The following RNF144A variants were observed in gnomAD, a reference collection of about 807,000 sequenced individuals.
RNF144A encodes ring finger protein 144A, also known as E3 ubiquitin-protein ligase RNF144A.
RNF144A carries 11 observed loss-of-function variants against 38.7 expected under a neutral mutation model. That is an observed-to-expected ratio of 0.28 (90% CI 0.18 to 0.47). The LOEUF is 0.47. Among genes scored for constraint, RNF144A ranks in the 20% least tolerant of loss-of-function variants. RNF144A has a pLI of 0.99. For synonymous variants in RNF144A, 149 were observed against 143.9 expected (o/e 1.04, Z -0.25); for missense variants, 316 against 377.2 (o/e 0.84, Z 1.34).
At chr2:7,030,894 G>A (rs925481485) in intron 8 of RNF144A, among the ~76,000 whole-genome samples, 10 of 151,836 alleles carry the variant, frequency 6.6e-5, no homozygotes, top group African/African-American at 2.4e-4. Context: ...ATGGGAGACT[G>A]TGATAGATCA....
At chr2:7,068,729 G>T (rs199960012), downstream of RNF144A, among the ~76,000 whole-genome samples, 1 of 152,158 alleles carries the variant, frequency 6.6e-6, no homozygotes, top group East Asian at 1.9e-4. Context: ...GATAGAGACG[G>T]GGACTGAGAT....
At position 6,962,949 on chromosome 2, in the gene RNF144A, T is replaced by C. The variant is rs1429743730; in HGVS notation, c.-12+21802T>C. ...GATGACAAGATCATTTTGATAATTT[T>C]AAAAGATGGATGAATAAGGGGACTG... On this transcript the variant is annotated intron_variant, in intron 2 of 8. Transcript: ENST00000320892. The surrounding 1 kb of genome is among the most constrained non-coding windows in gnomAD (Gnocchi z 4.1). 2.6e-5 allele frequency among the ~76,000 whole-genome samples: 4 copies of C among 152,170 alleles called. No homozygotes were observed. In the South Asian group the frequency reaches 8.3e-4, roughly 31 times the overall value.
chr2:6,981,756 T>A (rs1390158062), intron 2 of RNF144A, among the ~76,000 whole-genome samples: 1 of 152,242 alleles, frequency 6.6e-6, no homozygotes, highest in Non-Finnish European at 1.5e-5. Context: ...GTTCTAAAGT[T>A]GCTTCCACAT....
At chr2:7,060,633 G>A (rs972228700) in intron 6 of RNF144A, among the ~76,000 whole-genome samples, 11 of 152,104 alleles carry the variant, frequency 7.2e-5, no homozygotes, top group African/African-American at 1.2e-4. Flanking sequence ...TTCCCAGCTC[G>A]TTGTCCCTAA....
At chr2:7,052,838 A>AACACACACACACACACAC (rs10670138) in intron 6 of RNF144A, among the ~76,000 whole-genome samples, 36 of 150,088 alleles carry the variant, frequency 2.4e-4, no homozygotes, top group African/African-American at 7.1e-4. Flanking sequence ...CCCCCTTTCC[A>AACACACACACACACACAC]ACACACACAC....
intron 2 of RNF144A, among the ~76,000 whole-genome samples, chr2:6,950,478 C>G (rs183069173): frequency 2.3e-4 from 35 of 152,300 alleles, no homozygotes; most frequent in African/African-American, 8.2e-4. Flanking sequence ...TGTCACAAAA[C>G]AGTCTGCTGT....
At chr2:7,050,633 T>C (rs1673484335) in intron 6 of RNF144A, among the ~76,000 whole-genome samples, 1 of 152,244 alleles carries the variant, frequency 6.6e-6, no homozygotes, top group African/African-American at 2.4e-5. Context: ...TTGAGAGCCT[T>C]CTGCTTCCTG....
intron 2 of RNF144A, among the ~76,000 whole-genome samples, chr2:6,982,360 C>T (rs76549529): frequency 3.9e-5 from 6 of 152,234 alleles, no homozygotes; most frequent in East Asian, 1.9e-4. Flanking sequence ...GGAGGGAGAG[C>T]GCCCATCACA....
At chr2:7,048,976 C>T (rs896617047), downstream of RNF144A, among the ~76,000 whole-genome samples, 1 of 152,184 alleles carries the variant, frequency 6.6e-6, no homozygotes, top group Non-Finnish European at 1.5e-5. Context: ...CCTAGTCCCT[C>T]CTCCCCACCG....
At chr2:6,997,832 G>T (rs1331120584) in intron 3 of RNF144A, among the ~76,000 whole-genome samples, 1 of 152,180 alleles carries the variant, frequency 6.6e-6, no homozygotes, top group Non-Finnish European at 1.5e-5. Context: ...TGAAGTTGCA[G>T]TTATACAGGT....
chr2:7,060,570 A>C (rs1312076751), intron 6 of RNF144A, among the ~76,000 whole-genome samples: 2 of 152,230 alleles, frequency 1.3e-5, no homozygotes, highest in Non-Finnish European at 2.9e-5. Flanking sequence ...GGAGAGAAAG[A>C]TCACTGCATC....
chr2:7,004,557 G>C (rs309321), intron 3 of RNF144A, among the ~76,000 whole-genome samples: 85,447 of 152,058 alleles, frequency 0.56, 24,871 homozygotes, highest in Non-Finnish European at 0.64. Flanking sequence ...ACCTGCGACT[G>C]CATTCTTGAT....
intron 8 of RNF144A, among the ~76,000 whole-genome samples, chr2:7,032,652 C>T (rs1370710763): frequency 6.6e-6 from 1 of 152,226 alleles, no homozygotes; most frequent in Non-Finnish European, 1.5e-5. Context: ...GCGTCTCCAC[C>T]TCGTCTTCCA....
intron 2 of RNF144A, among the ~76,000 whole-genome samples, chr2:6,957,009 T>G (rs1357426991): frequency 6.6e-6 from 1 of 152,182 alleles, no homozygotes; most frequent in Non-Finnish European, 1.5e-5. Flanking sequence ...GTGAGGAAGC[T>G]CCTGGCCTGG....
At chr2:7,050,828 A>G (rs1673491787) in intron 6 of RNF144A, among the ~76,000 whole-genome samples, 2 of 152,182 alleles carry the variant, frequency 1.3e-5, no homozygotes, top group South Asian at 4.1e-4. Context: ...TGTCGAAGGG[A>G]ACGGGAGCTC....
intron 3 of RNF144A, among the ~76,000 whole-genome samples, chr2:7,001,994 G>A (rs61638437): frequency 0.015 from 2,276 of 152,292 alleles, 60 homozygotes; most frequent in African/African-American, 0.052. Context: ...AGCATGCCTG[G>A]TGATAAGTAA....
At chr2:6,949,740 C>G (rs980082221) in intron 2 of RNF144A, among the ~76,000 whole-genome samples, 2 of 152,142 alleles carry the variant, frequency 1.3e-5, no homozygotes, top group Non-Finnish European at 2.9e-5. Flanking sequence ...GGAATTCATT[C>G]AGGATCTGTC....
At chr2:7,031,618 G>A (rs1672306060) in intron 8 of RNF144A, among the ~76,000 whole-genome samples, 1 of 152,222 alleles carries the variant, frequency 6.6e-6, no homozygotes, top group Non-Finnish European at 1.5e-5. Context: ...TCCTTCAGGA[G>A]AGCCTCTGAG....
At chr2:6,949,022 G>A (rs1666510637) in intron 2 of RNF144A, among the ~76,000 whole-genome samples, 1 of 152,192 alleles carries the variant, frequency 6.6e-6, no homozygotes, top group Non-Finnish European at 1.5e-5. Context: ...GTCCATCCCT[G>A]AAAGCGTAGG....
Sources: gnomAD v4.1 joint callset for allele counts (sites outside exome capture counted in the v4.1 genomes callset) on GRCh38, gnomAD v4.1.1 for gene constraint, Gnocchi (gnomAD v3.1) non-coding constraint, MANE v1.5 for transcripts, NCBI Gene and HGNC (gene_info 2026-07-23, HGNC 2026-07-21) for gene names.